The following UBA2 variants were observed in gnomAD, a reference collection of about 807,000 sequenced individuals.
UBA2 encodes the protein SUMO-activating enzyme subunit 2.
Under a neutral mutation model 77.2 loss-of-function variants are expected in UBA2, and 11 were observed. That is an observed-to-expected ratio of 0.14 (90% CI 0.09 to 0.24). The LOEUF is 0.24. Among genes scored for constraint, UBA2 ranks in the 10% least tolerant of loss-of-function variants. UBA2 has a pLI of 1.00. For synonymous variants in UBA2, 278 were observed against 276.7 expected (o/e 1.00, Z -0.05); for missense variants, 487 against 781.7 (o/e 0.62, Z 4.50).
At chr19:34,454,621 T>A in intron 12 of UBA2, 65 bp downstream of exon 12, 1 of 767,828 alleles carries the variant, frequency 1.3e-6, no homozygotes, top group Non-Finnish European at 2.0e-6. Context: ...AAAAGTACAT[T>A]AAACAGATAA....
intron 15 of UBA2, among the ~76,000 whole-genome samples, chr19:34,465,636 A>AG (rs1445515665): frequency 1.5e-4 from 8 of 52,548 alleles, no homozygotes; most frequent in African/African-American, 4.3e-4. Context: ...ACTCCATGTC[A>AG]GAAAAAAAAA....
At chr19:34,453,794 CT>C in intron 10 of UBA2, among the ~76,000 whole-genome samples, 1 of 152,162 alleles carries the variant, frequency 6.6e-6, no homozygotes, top group South Asian at 2.1e-4. Flanking sequence ...TACTAAATTG[CT>C]TGAGACTACA....
chr19:34,434,789 T>C (rs1307536920), intron 4 of UBA2, 79 bp from the exon 5 acceptor site: 4 of 1,080,304 alleles, frequency 3.7e-6, no homozygotes, highest in Non-Finnish European at 5.5e-6. Context: ...AGTAAGATAG[T>C]TTTGAGTCTG....
At chr19:34,428,599 G>A in intron 1 of UBA2, 29 bp downstream of exon 1, 1 of 1,303,990 alleles carries the variant, frequency 7.7e-7, no homozygotes. Context: ...CGCGTGAATG[G>A]CGGGCTGTGG....
chr19:34,428,943 A>C, intron 1 of UBA2: 1 of 989,866 alleles, frequency 1.0e-6, no homozygotes. Flanking sequence ...TGTGACTTTA[A>C]TTTTGAGGTC....
rs1359929982 is a variant in UBA2, at chr19:34,439,999, A to T, written c.581+1233A>T. Among the ~76,000 whole-genome samples the T allele has an allele frequency of 2.6e-5, 4 of 152,146 alleles. No homozygotes were observed. The East Asian group carries it at 7.7e-4, about 29-fold the overall frequency. Reference sequence around the variant, plus strand: ...ATAAGACCATGGTAGTACATAAAAAATTTAAATGATCTGGGTAAATACATT... The same window carrying T: ...ATAAGACCATGGTAGTACATAAAAATTTTAAATGATCTGGGTAAATACATT... On this transcript the variant is annotated intron_variant, in intron 6 of 16. Coordinates refer to ENST00000246548, the MANE Select transcript of UBA2 (RefSeq NM_005499.3).
rs1319013331 is a variant in UBA2, at chr19:34,460,491, A to G, written c.1423A>G (p.Met475Val). 1.9e-6 allele frequency: 3 copies of G among 1,591,888 alleles called. No homozygotes were observed. Among genetic ancestry groups the G allele is most frequent in the Non-Finnish European group, 2.6e-6 (3 of 1,172,246 alleles). Residue 475 changes from methionine to valine, a missense_variant, in exon 14 of 17, where the codon ATG becomes GTG. By Grantham distance (21) the Met-to-Val change is conservative. Transcript: ENST00000246548. ...GTAGATAGTGAAAGAAAAATTTGCTATGGTAGCACCAGATGTCCAAATTGA... is the reference window on the plus strand; with the variant it reads ...GTAGATAGTGAAAGAAAAATTTGCTGTGGTAGCACCAGATGTCCAAATTGA... Reference protein sequence around the residue: ...QDKIVKEKFAMVAPDVQIEDG... With the variant: ...QDKIVKEKFAVVAPDVQIEDG...
chr19:34,448,392 C>T (rs2145528934), intron 8 of UBA2, among the ~76,000 whole-genome samples: 1 of 151,978 alleles, frequency 6.6e-6, no homozygotes, highest in South Asian at 2.1e-4. Context: ...GCCAGGAGCA[C>T]AAGACCAGCC....
At chr19:34,459,882 C>T (rs904154594) in intron 13 of UBA2, among the ~76,000 whole-genome samples, 11 of 152,214 alleles carry the variant, frequency 7.2e-5, no homozygotes, top group African/African-American at 7.2e-5. Context: ...GGTACAGCAG[C>T]GGGTGGTTGC....
intron 2 of UBA2, 142 bp from the exon 3 acceptor site, chr19:34,431,719 A>T: frequency 1.5e-6 from 1 of 689,112 alleles, no homozygotes; most frequent in East Asian, 2.6e-5. Context: ...CCCTAATGCA[A>T]TTTTCTCACA....
chr19:34,458,267 A>G (rs963494894), intron 12 of UBA2, among the ~76,000 whole-genome samples: 3 of 152,106 alleles, frequency 2.0e-5, no homozygotes, highest in African/African-American at 7.2e-5. Context: ...TTAGAAAAGA[A>G]GGTTGAGGCC....
intron 8 of UBA2, among the ~76,000 whole-genome samples, chr19:34,449,035 C>A (rs1052851646): frequency 3.6e-5 from 5 of 139,294 alleles, no homozygotes; most frequent in African/African-American, 8.1e-5. Flanking sequence ...TAAGGAGACT[C>A]TTTCCTTATT....
At chr19:34,464,584 T>C (rs2075668640) in intron 15 of UBA2, among the ~76,000 whole-genome samples, 1 of 148,240 alleles carries the variant, frequency 6.7e-6, no homozygotes, top group Non-Finnish European at 1.5e-5. Flanking sequence ...AAACCAGAAA[T>C]AAAAGAAATA....
rs771020313 is a variant in UBA2 at position 34,445,040 on chromosome 19, T to C, written c.690T>C (p.Asn230=). 4 of 1,613,994 alleles carry C rather than the reference T, an allele frequency of 2.5e-6. No homozygotes were observed. The highest frequency in any genetic ancestry group is 1.7e-5 in the Admixed American group (1 of 59,998). ...CCGAAGCCAGAGCTAGAGCATCTAA[T>C]GAAGATGGTGACATTAAACGTATTT... ...TEAEARARAS[N]EDGDIKRIST... The change falls in exon 8 of 17, where the codon AAT becomes AAC. Residue 230 remains asparagine (N), a synonymous_variant. Coordinates refer to ENST00000246548, the MANE Select transcript of UBA2 (RefSeq NM_005499.3).
intron 6 of UBA2, among the ~76,000 whole-genome samples, chr19:34,439,924 A>G (rs1272536018): frequency 6.6e-6 from 1 of 152,188 alleles, no homozygotes; most frequent in Admixed American, 6.6e-5. Flanking sequence ...CTAAACGGGG[A>G]ATACAGATAG....
At chr19:34,428,792 C>T in intron 1 of UBA2, 1 of 1,142,822 alleles carries the variant, frequency 8.8e-7, no homozygotes, top group East Asian at 3.7e-5. Flanking sequence ...CTCCGGACGC[C>T]GAGGAGGCCG....
intron 6 of UBA2, among the ~76,000 whole-genome samples, chr19:34,441,148 T>C (rs1167737075): frequency 1.3e-5 from 2 of 152,132 alleles, no homozygotes; most frequent in Non-Finnish European, 2.9e-5. Flanking sequence ...TGAAAGTTTC[T>C]ACTAAAACAG....
chr19:34,464,388 T>G (rs2145568139), intron 15 of UBA2, among the ~76,000 whole-genome samples: 1 of 151,972 alleles, frequency 6.6e-6, no homozygotes, highest in South Asian at 2.1e-4. Flanking sequence ...TGAAACCCCG[T>G]CTCTGCTAAA....
rs1473999735 is a variant in UBA2, at chr19:34,464,499, A to G, written c.1604+368A>G. ...CTTGAACCCGAGAGGTGGAGGTTGC[A>G]GTCAGCCGGGATCGCGCCATTGCAC... is the stretch of plus-strand genomic sequence containing the variant. On this transcript the variant is annotated intron_variant, in intron 15 of 16. Transcript: ENST00000246548. Among the ~76,000 whole-genome samples, 5 of 151,932 alleles carry G rather than the reference A, an allele frequency of 3.3e-5. No homozygotes were observed. In the East Asian group the frequency reaches 9.6e-4, roughly 29 times the overall value.
Sources: gnomAD v4.1 joint callset for allele counts (sites outside exome capture counted in the v4.1 genomes callset) on GRCh38, gnomAD v4.1.1 for gene constraint, MANE v1.5 for transcripts, NCBI Gene and HGNC (gene_info 2026-07-23, HGNC 2026-07-21) for gene names.